The following CSMD3 variants were observed in gnomAD, a reference collection of about 807,000 sequenced individuals.
CSMD3 encodes the protein CUB and sushi domain-containing protein 3.
Under a neutral mutation model 435.2 loss-of-function variants are expected in CSMD3, and 177 were observed. The ratio of observed to expected loss-of-function variants is 0.41; its 90% CI spans 0.36 to 0.46. The LOEUF (loss-of-function observed/expected upper bound fraction) is 0.46, where lower values mean the gene tolerates loss of function less well. CSMD3 is among the 20% of genes least tolerant of loss of function. The probability of loss-of-function intolerance (pLI) is 0.34; values close to 1 mark genes in which losing one functional copy is unlikely to be tolerated. For synonymous variants in CSMD3, 1,656 were observed against 1,520.5 expected, an observed-to-expected ratio of 1.09 and a Z score of -2.07; for missense variants, 4,265 against 4,504.6, an observed-to-expected ratio of 0.95 and a Z score of 1.52.
At chr8:113,351,810 T>C (rs984343158) in intron 1 of CSMD3, among the ~76,000 whole-genome samples, 3 of 152,202 alleles carry the variant, frequency 2.0e-5, no homozygotes, top group Non-Finnish European at 2.9e-5. Flanking sequence ...GACAAAGCCA[T>C]TCCTAGATTT....
At chr8:113,144,214 T>C (rs1278228682) in intron 4 of CSMD3, among the ~76,000 whole-genome samples, 2 of 151,356 alleles carry the variant, frequency 1.3e-5, no homozygotes, top group Non-Finnish European at 3.0e-5. Flanking sequence ...TGTTCTCAGC[T>C]TCAGAGACTG....
intron 1 of CSMD3, among the ~76,000 whole-genome samples, chr8:113,400,788 G>A (rs190280487): frequency 6.6e-6 from 1 of 151,776 alleles, no homozygotes; most frequent in African/African-American, 2.4e-5. Flanking sequence ...GGAATTACAG[G>A]CTCAAAATGG....
intron 22 of CSMD3, among the ~76,000 whole-genome samples, chr8:112,603,276 T>G (rs1679660469): frequency 6.6e-6 from 1 of 152,236 alleles, no homozygotes; most frequent in Non-Finnish European, 1.5e-5. Flanking sequence ...CATTATTCAG[T>G]TTATTGTATT....
intron 1 of CSMD3, among the ~76,000 whole-genome samples, chr8:113,421,515 A>T (rs2094608562): frequency 6.6e-6 from 1 of 152,158 alleles, no homozygotes; most frequent in Admixed American, 6.6e-5. Flanking sequence ...TCATGTTTAC[A>T]TTGTATTTAT....
intron 26 of CSMD3, 23 bp from the exon 27 acceptor site, chr8:112,550,896 T>G: frequency 6.4e-7 from 1 of 1,551,872 alleles, no homozygotes; most frequent in Non-Finnish European, 8.9e-7. Context: ...CATATTTCTC[T>G]GATTATTTTA....
intron 3 of CSMD3, among the ~76,000 whole-genome samples, chr8:113,252,305 G>T (rs1444901885): frequency 6.6e-6 from 1 of 151,972 alleles, no homozygotes; most frequent in Non-Finnish European, 1.5e-5. Context: ...CCTAAGAGAT[G>T]ATACTATCTA....
At chr8:113,067,064 T>A (rs1489186994) in intron 5 of CSMD3, among the ~76,000 whole-genome samples, 1 of 152,100 alleles carries the variant, frequency 6.6e-6, no homozygotes, top group African/African-American at 2.4e-5. Context: ...AAATGACAAG[T>A]GAAGAAAAAG....
chr8:112,685,276 G>A lies in CSMD3; in HGVS notation c.2482+130C>T, dbSNP rs111341100. The A allele has an allele frequency of 1.0e-5, 7 of 699,808 alleles. No homozygotes were observed. The East Asian group carries it at 1.1e-4, about 11-fold the overall frequency. 43.3% of individuals were successfully genotyped at this position (699,808 alleles called of 1,614,324 possible). On this transcript the variant is annotated intron_variant, in intron 15 of 70. Coordinates refer to ENST00000297405, the MANE Select transcript of CSMD3 (RefSeq NM_198123.2). ...ATGAAGGAAGAAATGACCATCCTTGGCACAATGAGATTTACAGCTTTTACA... is the reference window on the plus strand; with the variant it reads ...ATGAAGGAAGAAATGACCATCCTTGACACAATGAGATTTACAGCTTTTACA...
chr8:112,410,714 ATG>A (rs1490097312), intron 32 of CSMD3, among the ~76,000 whole-genome samples: 13 of 106,332 alleles, frequency 1.2e-4, no homozygotes, highest in Non-Finnish European at 1.8e-4. Context: ...ATATATATAT[ATG>A]TATATATATA....
chr8:112,396,576 T>C lies in CSMD3; in HGVS notation c.5810-5788A>G, dbSNP rs147842315. Among the ~76,000 whole-genome samples the C allele has an allele frequency of 1.3e-3, 195 of 152,272 alleles. 1 individual carries two copies. Among genetic ancestry groups the C allele is most frequent in the African/African-American group, 4.6e-3 (192 of 41,564 alleles). On this transcript the variant is annotated intron_variant, in intron 35 of 70. Coordinates refer to ENST00000297405, the MANE Select transcript of CSMD3 (RefSeq NM_198123.2). ...ACTGAAATGGAAAAAGTATGGACCT[T>C]GGACTTGGGAAGTTGGTAAGGGTTG...
At chr8:112,734,271 G>C (rs1296217272) in intron 13 of CSMD3, among the ~76,000 whole-genome samples, 1 of 151,616 alleles carries the variant, frequency 6.6e-6, no homozygotes, top group Non-Finnish European at 1.5e-5. Flanking sequence ...GAAAGGGAGA[G>C]AGGAAGGGAG....
At chr8:112,443,465 A>G (rs1030286721) in intron 32 of CSMD3, among the ~76,000 whole-genome samples, 57 of 152,206 alleles carry the variant, frequency 3.7e-4, no homozygotes, top group African/African-American at 1.4e-3. Flanking sequence ...CAAAAAATCT[A>G]TCTCAACAGT....
intron 13 of CSMD3, among the ~76,000 whole-genome samples, chr8:112,754,004 T>C (rs1483182706): frequency 6.6e-6 from 1 of 152,116 alleles, no homozygotes; most frequent in East Asian, 1.9e-4. Flanking sequence ...AGAGAAAGGC[T>C]GAATAAGAGA....
chr8:112,644,076 A>T (rs1586874826), intron 20 of CSMD3, among the ~76,000 whole-genome samples: 1 of 150,330 alleles, frequency 6.7e-6, no homozygotes, highest in South Asian at 2.1e-4. Context: ...CAACAGAGCT[A>T]AAAAAAAGTA....
At chr8:112,995,406 G>C (rs776966151) in intron 6 of CSMD3, among the ~76,000 whole-genome samples, 1 of 151,462 alleles carries the variant, frequency 6.6e-6, no homozygotes. Context: ...ACAGCTCGAA[G>C]CAGATGTTTG....
chr8:112,492,712 T>G, intron 30 of CSMD3, 29 bp from the exon 31 acceptor site: 1 of 1,586,320 alleles, frequency 6.3e-7, no homozygotes, highest in Non-Finnish European at 8.7e-7. Flanking sequence ...ATAACATTAA[T>G]TGCTTTAAAA....
chr8:112,989,231 A>C (rs1317506458), intron 6 of CSMD3, among the ~76,000 whole-genome samples: 5 of 152,078 alleles, frequency 3.3e-5, no homozygotes, highest in Non-Finnish European at 5.9e-5. Context: ...GTTATTTAAG[A>C]AAAAGACCTG....
intron 2 of CSMD3, among the ~76,000 whole-genome samples, chr8:113,289,387 T>C (rs1036882202): frequency 1.3e-5 from 2 of 151,486 alleles, no homozygotes; most frequent in Admixed American, 1.3e-4. Flanking sequence ...GGTTGTTTAT[T>C]TTTTCTGCTA....
At chr8:113,124,087 C>T (rs2091058592) in intron 4 of CSMD3, among the ~76,000 whole-genome samples, 1 of 151,954 alleles carries the variant, frequency 6.6e-6, no homozygotes, top group Non-Finnish European at 1.5e-5. Context: ...GTACCAAATA[C>T]GTGGTGGTTC....
Sources: allele counts gnomAD v4.1 joint callset (sites outside exome capture counted in the v4.1 genomes callset), GRCh38; gene constraint gnomAD v4.1.1; transcripts MANE v1.5; gene names NCBI Gene and HGNC (gene_info 2026-07-23, HGNC 2026-07-21).